The following AGBL1 variants were observed in gnomAD, a reference collection of about 807,000 sequenced individuals.
The protein encoded by AGBL1 is cytosolic carboxypeptidase 4.
In AGBL1, 130 loss-of-function variants were observed where a neutral mutation model predicts 118.9. That is an observed-to-expected ratio of 1.09 (90% CI 0.95 to 1.26). The LOEUF is 1.26. AGBL1 is among the 50% of genes most tolerant of loss of function. The pLI is 0.00. For synonymous variants in AGBL1, 555 were observed against 478.9 expected (o/e 1.16, Z -2.08); for missense variants, 1,584 against 1,298.1 (o/e 1.22, Z -3.38).
At chr15:86,790,895 C>T (rs1440664007) in intron 22 of AGBL1, among the ~76,000 whole-genome samples, 1 of 151,570 alleles carries the variant, frequency 6.6e-6, no homozygotes, top group East Asian at 1.9e-4. Context: ...TGTAATCAGT[C>T]CCAAACACTA....
Position 86,255,156 on chromosome 15 carries a change from C to G in AGBL1, c.736-1697C>G, listed in dbSNP as rs148980115. Reference sequence around the variant, plus strand: ...ATTCCCTGGCTTGGGCTGGCTCTATCTCTACCAAGGTTGGAGCTTAGAATA... The same window carrying G: ...ATTCCCTGGCTTGGGCTGGCTCTATGTCTACCAAGGTTGGAGCTTAGAATA... On this transcript the variant is annotated intron_variant, in intron 7 of 22. Coordinates refer to ENST00000614907, the MANE Select transcript of AGBL1 (RefSeq NM_001386094.1). Among the ~76,000 whole-genome samples the G allele has an allele frequency of 5.9e-3, 894 of 152,268 alleles. 5 individuals are homozygous for G. The highest frequency in any genetic ancestry group is 0.021 in the African/African-American group (865 of 41,546).
At chr15:86,174,653 T>C (rs1166943851) in intron 5 of AGBL1, among the ~76,000 whole-genome samples, 1 of 152,022 alleles carries the variant, frequency 6.6e-6, no homozygotes, top group African/African-American at 2.4e-5. Flanking sequence ...ATGTTTCTTA[T>C]GTTTTATTAT....
intron 11 of AGBL1, 118 bp from the exon 12 acceptor site, chr15:86,266,256 C>A (rs1283807137): frequency 1.6e-6 from 1 of 611,870 alleles, no homozygotes; most frequent in Non-Finnish European, 2.8e-6. Context: ...TGTTATTAAA[C>A]TTCTCTGTGC....
At chr15:86,280,512 C>G (rs983182218) in intron 16 of AGBL1, among the ~76,000 whole-genome samples, 1 of 152,160 alleles carries the variant, frequency 6.6e-6, no homozygotes, top group Admixed American at 6.5e-5. Context: ...GCAAACTAAC[C>G]CTTACTGCTA....
chr15:86,244,523 C>T (rs1212595143), intron 6 of AGBL1, among the ~76,000 whole-genome samples: 6 of 139,328 alleles, frequency 4.3e-5, no homozygotes, highest in Admixed American at 7.1e-5. Context: ...GGTGTAGGGT[C>T]GCGGGGGAAG....
chr15:86,566,655 G>T (rs2083920529), intron 21 of AGBL1, among the ~76,000 whole-genome samples: 3 of 152,064 alleles, frequency 2.0e-5, no homozygotes, highest in African/African-American at 7.2e-5. Context: ...GCCCAGATGG[G>T]ACACTTCTCC....
In AGBL1 at chr15:86,264,478, T is replaced by G; in HGVS notation, c.1307T>G (p.Val436Gly). The change falls in exon 11 of 23, where the codon GTG (valine) becomes GGG (glycine). Residue 436 changes from valine to glycine, a missense_variant. Coordinates refer to ENST00000614907, the MANE Select transcript of AGBL1 (RefSeq NM_001386094.1). ...VHLGSKKNPG[V>G]NLYQNVQSNS... Reference sequence around the variant, plus strand: ...CTAGGCTCCAAAAAAAATCCTGGAGTGAACCTGTACCAAAATGTGCAATCC... The same window carrying G: ...CTAGGCTCCAAAAAAAATCCTGGAGGGAACCTGTACCAAAATGTGCAATCC... 1 of 1,613,698 alleles carries G rather than the reference T, an allele frequency of 6.2e-7. No individual in the cohort carries two copies. Among genetic ancestry groups the G allele is most frequent in the Non-Finnish European group, 8.5e-7 (1 of 1,179,808 alleles).
chr15:86,918,630 T>A (rs374690174), downstream of AGBL1, among the ~76,000 whole-genome samples: 5 of 152,190 alleles, frequency 3.3e-5, no homozygotes, highest in African/African-American at 1.2e-4. Flanking sequence ...ACGTACCTAT[T>A]AATTTAAATT....
intron 17 of AGBL1, among the ~76,000 whole-genome samples, chr15:86,326,927 T>A (rs1251891144): frequency 6.7e-6 from 1 of 149,730 alleles, no homozygotes; most frequent in Non-Finnish European, 1.5e-5. Context: ...TTTTTCTTTT[T>A]CTTTTTTTTT....
chr15:86,581,883 T>C (rs762346523), intron 21 of AGBL1, among the ~76,000 whole-genome samples: 2 of 152,226 alleles, frequency 1.3e-5, no homozygotes, highest in Admixed American at 6.5e-5. Context: ...GAGATGAGTT[T>C]ACTTTTGATT....
At chr15:86,244,624 G>A (rs1010880432) in intron 6 of AGBL1, among the ~76,000 whole-genome samples, 1 of 152,010 alleles carries the variant, frequency 6.6e-6, no homozygotes, top group East Asian at 1.9e-4. Flanking sequence ...TTTGATAAGG[G>A]ATTTTTCTCC....
chr15:86,152,177 T>A (rs568069338), intron 3 of AGBL1, among the ~76,000 whole-genome samples: 36 of 152,296 alleles, frequency 2.4e-4, no homozygotes, highest in Non-Finnish European at 4.0e-4. Context: ...TTTTTAAATT[T>A]CATATGGAAT....
At chr15:86,585,212 C>G (rs969972538) in intron 21 of AGBL1, among the ~76,000 whole-genome samples, 29 of 151,948 alleles carry the variant, frequency 1.9e-4, no homozygotes, top group African/African-American at 6.5e-4. Flanking sequence ...AGTACTTCCT[C>G]AGAACTGGAA....
chr15:86,208,319 A>G (rs2078029791), intron 5 of AGBL1, among the ~76,000 whole-genome samples: 1 of 152,156 alleles, frequency 6.6e-6, no homozygotes, highest in Non-Finnish European at 1.5e-5. Context: ...TGTTATCAGG[A>G]TGATGCTGAC....
intron 22 of AGBL1, among the ~76,000 whole-genome samples, chr15:86,863,888 T>C (rs1214323883): frequency 6.6e-6 from 1 of 152,184 alleles, no homozygotes; most frequent in Non-Finnish European, 1.5e-5. Flanking sequence ...ATAAGAACCA[T>C]TTCATAGGTT....
chr15:86,411,556 T>C (rs956291814), intron 18 of AGBL1, among the ~76,000 whole-genome samples: 2 of 152,152 alleles, frequency 1.3e-5, no homozygotes, highest in African/African-American at 4.8e-5. Flanking sequence ...CACATAGCCC[T>C]TTTGAATTAT....
chr15:86,229,086 T>A (rs1449478368), intron 6 of AGBL1, among the ~76,000 whole-genome samples: 1 of 152,242 alleles, frequency 6.6e-6, no homozygotes. Context: ...TTTAGCTTTT[T>A]ATTCCTGAAA....
chr15:86,875,495 T>C (rs143572590), intron 22 of AGBL1, among the ~76,000 whole-genome samples: 43 of 152,318 alleles, frequency 2.8e-4, no homozygotes, highest in Non-Finnish European at 4.1e-4. Flanking sequence ...CTCATAACTT[T>C]CTCTTCAGTG....
chr15:86,089,226 A>T (rs1895865359), intron 1 of AGBL1, among the ~76,000 whole-genome samples: 1 of 152,096 alleles, frequency 6.6e-6, no homozygotes, highest in East Asian at 1.9e-4. Flanking sequence ...CTTGGTTTGG[A>T]AACTGGTTTC....
Sources: gnomAD v4.1 joint callset for allele counts (sites outside exome capture counted in the v4.1 genomes callset) on GRCh38, gnomAD v4.1.1 for gene constraint, MANE v1.5 for transcripts, NCBI Gene and HGNC (gene_info 2026-07-23, HGNC 2026-07-21) for gene names.